Variants in RYR2 observed in about 807,000 individuals in gnomAD.
RYR2 encodes the protein cardiac muscle ryanodine receptor-calcium release channel.
A neutral mutation model predicts 601.1 loss-of-function variants in RYR2; 227 were observed. The ratio of observed to expected loss-of-function variants is 0.38; its 90% CI spans 0.34 to 0.42. The LOEUF (loss-of-function observed/expected upper bound fraction) is 0.42. RYR2 is among the 10% of genes least tolerant of loss of function. RYR2 has a pLI of 1.00. For missense variants in RYR2, 4,646 were observed against 6,156.5 expected (o/e 0.75, Z 8.21); for synonymous variants, 2,223 against 2,175.1 (o/e 1.02, Z -0.61).
intron 24 of RYR2, among the ~76,000 whole-genome samples, chr1:237,517,851 G>A (rs75604711): frequency 0.014 from 2,197 of 151,948 alleles, 52 homozygotes; most frequent in African/African-American, 0.044. Flanking sequence ...CATGTACCTA[G>A]TCCTCAAAAG....
rs148079795 is a variant in RYR2 at position 237,402,391 on chromosome 1, A to C, written c.773+14208A>C. Reference sequence around the variant, plus strand: ...GGCAGAGCAAGACCCTATCTCTTAAAAAAAAAAGAAAAAAAAATATATATA... The same window carrying C: ...GGCAGAGCAAGACCCTATCTCTTAACAAAAAAAGAAAAAAAAATATATATA... On this transcript the variant is annotated intron_variant, in intron 10 of 104. Transcript: ENST00000366574. 6.7e-3 allele frequency among the ~76,000 whole-genome samples: 1,000 copies of C among 149,172 alleles called. 9 individuals carry two copies. Among genetic ancestry groups the C allele is most frequent in the African/African-American group, 0.024 (967 of 40,770 alleles).
chr1:237,072,707 G>A (rs1388000086), intron 1 of RYR2, among the ~76,000 whole-genome samples: 4 of 152,078 alleles, frequency 2.6e-5, no homozygotes, highest in Non-Finnish European at 4.4e-5. Flanking sequence ...AGCACTTCAG[G>A]AGGCCGAGGC....
chr1:237,635,263 G>A (rs745928427), intron 44 of RYR2, among the ~76,000 whole-genome samples: 4 of 152,068 alleles, frequency 2.6e-5, no homozygotes, highest in Admixed American at 6.6e-5. Context: ...TAGAAGTTAT[G>A]AAGAACAATA....
intron 73 of RYR2, among the ~76,000 whole-genome samples, chr1:237,719,124 G>A (rs897625278): frequency 2.6e-5 from 4 of 152,062 alleles, no homozygotes; most frequent in African/African-American, 9.7e-5. Flanking sequence ...CTGGATGGTG[G>A]TGCACACCTG....
At chr1:237,149,395 C>T (rs1385151975) in intron 1 of RYR2, among the ~76,000 whole-genome samples, 1 of 152,080 alleles carries the variant, frequency 6.6e-6, no homozygotes, top group African/African-American at 2.4e-5. Context: ...AGAATACAAG[C>T]TTTGAGAAGT....
chr1:237,664,433 G>T (rs1318704722), intron 56 of RYR2, among the ~76,000 whole-genome samples: 1 of 152,188 alleles, frequency 6.6e-6, no homozygotes, highest in Non-Finnish European at 1.5e-5. Context: ...AAAGAAAGAG[G>T]TTCAATGGAC....
intron 4 of RYR2, among the ~76,000 whole-genome samples, chr1:237,361,363 A>G (rs1456828485): frequency 1.3e-5 from 2 of 152,186 alleles, no homozygotes; most frequent in Non-Finnish European, 2.9e-5. Context: ...ATTTCCTCAC[A>G]AAGGAGAGGT....
At chr1:237,817,439 C>G (rs779722304) in intron 100 of RYR2, among the ~76,000 whole-genome samples, 20 of 151,530 alleles carry the variant, frequency 1.3e-4, no homozygotes, top group Non-Finnish European at 2.4e-4. Context: ...TGAGGACTTA[C>G]CATGTGCTGG....
At chr1:237,334,876 G>C (rs570293579) in intron 3 of RYR2, among the ~76,000 whole-genome samples, 1 of 152,300 alleles carries the variant, frequency 6.6e-6, no homozygotes, top group South Asian at 2.1e-4. Flanking sequence ...AGAACTGCTT[G>C]AGAATACCAG....
rs1225672983 is a variant in RYR2, at chr1:237,441,324, A to G, written c.1011A>G (p.Lys337=). The G allele has an allele frequency of 6.2e-7, 1 of 1,613,366 alleles. No homozygotes were observed. The highest frequency in any genetic ancestry group is 2.2e-5 in the East Asian group (1 of 44,842). The change falls in exon 13 of 105, where the codon AAA becomes AAG. Residue 337 remains lysine (K), a synonymous_variant. Coordinates refer to ENST00000366574, the MANE Select transcript of RYR2 (RefSeq NM_001035.3). The part of the protein sequence containing the change: ...TAFTFRSSKE[K]LDVGVRKEVD... ...TTTTCCTCCTCTCCCCTTAGGAAAAATTGGATGTAGGGGTGAGAAAAGAAG... is the reference window on the plus strand; with the variant it reads ...TTTTCCTCCTCTCCCCTTAGGAAAAGTTGGATGTAGGGGTGAGAAAAGAAG...
chr1:237,392,312 A>G (rs1486518195), intron 10 of RYR2, among the ~76,000 whole-genome samples: 1 of 152,088 alleles, frequency 6.6e-6, no homozygotes, highest in Non-Finnish European at 1.5e-5. Context: ...AAAAATAACT[A>G]AAAGAGTGTA....
rs1677741373 is a variant in RYR2 at position 237,610,680 on chromosome 1, C to T, written c.4684-82C>T. ...GTTATCTTACTTTCCCTGTCTCTGTCCTGTGCAGAATTCTAGTCATTACTT... is the reference window on the plus strand; with the variant it reads ...GTTATCTTACTTTCCCTGTCTCTGTTCTGTGCAGAATTCTAGTCATTACTT... On this transcript the variant is annotated intron_variant, in intron 35 of 104. Coordinates refer to ENST00000366574, the MANE Select transcript of RYR2 (RefSeq NM_001035.3). The surrounding 1 kb of genome is among the most constrained non-coding windows in gnomAD (Gnocchi z 4.9). 9.0e-7 allele frequency: 1 copy of T among 1,106,462 alleles called. No homozygotes were observed. The highest frequency in any genetic ancestry group is 1.6e-5 in the African/African-American group (1 of 64,366). The allele number at this position is 1,106,462 out of a possible 1,614,324, so 68.5% of individuals were successfully genotyped here. A position where few individuals can be genotyped will look rare whatever the true frequency, so the allele number is the denominator to read the frequency against.
intron 101 of RYR2, among the ~76,000 whole-genome samples, chr1:237,823,961 C>G (rs1229255747): frequency 6.6e-6 from 1 of 152,142 alleles, no homozygotes; most frequent in African/African-American, 2.4e-5. Flanking sequence ...CACATACACC[C>G]TCCCAAGACT....
At position 237,727,080 on chromosome 1, in the gene RYR2, A is replaced by G. The variant is rs1161893148; in HGVS notation, c.10726-7A>G. ...TGTAAATATTTATTTGTGTCATTCT[A>G]CCTCAGGTGGAACATCCTCAGAGAT... On this transcript the variant is annotated splice_region_variant and splice_polypyrimidine_tract_variant and intron_variant, in intron 75 of 104. Coordinates refer to ENST00000366574, the MANE Select transcript of RYR2 (RefSeq NM_001035.3). The G allele has an allele frequency of 5.9e-6, 8 of 1,360,298 alleles. No individual in the cohort carries two copies. The highest frequency in any genetic ancestry group is 3.4e-5 in the Admixed American group (2 of 59,546). The allele number at this position is 1,360,298 out of a possible 1,614,324, so 84.3% of individuals were successfully genotyped here.
intron 16 of RYR2, among the ~76,000 whole-genome samples, chr1:237,460,374 G>A (rs79577805): frequency 0.032 from 4,851 of 152,222 alleles, 104 homozygotes; most frequent in Non-Finnish European, 0.053. Flanking sequence ...ACTGATCAGG[G>A]ATCCACTGTT....
At chr1:237,511,839 A>C in intron 24 of RYR2, 48 bp downstream of exon 24, 2 of 869,182 alleles carry the variant, frequency 2.3e-6, no homozygotes, top group Non-Finnish European at 3.2e-6. Context: ...TCCCTGAAAA[A>C]AAAAAAAAAA....
chr1:237,177,479 AT>A (rs1678185272), intron 1 of RYR2, among the ~76,000 whole-genome samples: 1 of 152,226 alleles, frequency 6.6e-6, no homozygotes, highest in African/African-American at 2.4e-5. Flanking sequence ...TTGCTTTCCT[AT>A]TTTTTAAAAA....
At chr1:237,390,634 G>A (rs1225037822) in intron 10 of RYR2, among the ~76,000 whole-genome samples, 1 of 152,136 alleles carries the variant, frequency 6.6e-6, no homozygotes, top group South Asian at 2.1e-4. Context: ...AGACTTTGTA[G>A]GAAGAGAGGC....
chr1:237,471,038 A>G (rs1660664886), intron 17 of RYR2: 2 of 154,362 alleles, frequency 1.3e-5, no homozygotes, highest in Middle Eastern at 5.1e-4. Flanking sequence ...GATTGGTTGG[A>G]CTCGGTATGA....
Sources: gnomAD v4.1 joint callset for allele counts (sites outside exome capture counted in the v4.1 genomes callset) on GRCh38, gnomAD v4.1.1 for gene constraint, Gnocchi (gnomAD v3.1) non-coding constraint, MANE v1.5 for transcripts, NCBI Gene and HGNC (gene_info 2026-07-23, HGNC 2026-07-21) for gene names.